The following GLIS3 variants were observed in gnomAD, a reference collection of about 807,000 sequenced individuals.
GLIS3 encodes GLIS family zinc finger 3, also known as zinc finger protein GLIS3.
In GLIS3, 53 loss-of-function variants were observed where a neutral mutation model predicts 78.6. The ratio of observed to expected loss-of-function variants is 0.67; its 90% CI spans 0.54 to 0.85. The LOEUF is 0.85. Among genes scored for constraint, GLIS3 ranks in the 40% least tolerant of loss-of-function variants. The pLI is 0.00. For missense variants in GLIS3, 1,703 were observed against 1,231.1 expected (o/e 1.38, Z -5.74); for synonymous variants, 684 against 509.9 (o/e 1.34, Z -4.60).
intron 4 of GLIS3, among the ~76,000 whole-genome samples, chr9:4,007,483 T>A (rs1434933587): frequency 6.6e-6 from 1 of 152,140 alleles, no homozygotes; most frequent in East Asian, 1.9e-4. Context: ...GGAAGAGATG[T>A]ATCAATCTTT....
intron 2 of GLIS3, among the ~76,000 whole-genome samples, chr9:4,318,737 T>G (rs1563931123): frequency 2.0e-5 from 3 of 152,200 alleles, no homozygotes; most frequent in East Asian, 3.8e-4. Flanking sequence ...ACTTGCAGCC[T>G]CTGCAGTAAT....
intron 4 of GLIS3, among the ~76,000 whole-genome samples, chr9:4,049,510 G>A (rs1012568230): frequency 1.3e-5 from 2 of 152,140 alleles, no homozygotes; most frequent in African/African-American, 4.8e-5. Context: ...GATGCCGGCA[G>A]GAGTGTCGTG....
intron 2 of GLIS3, among the ~76,000 whole-genome samples, chr9:4,329,029 AAG>A (rs1243752509): frequency 6.6e-6 from 1 of 152,214 alleles, no homozygotes; most frequent in Non-Finnish European, 1.5e-5. Context: ...GATGATGAGT[AAG>A]AGTCTCTCAA....
At chr9:4,421,916 C>G in the GLIS3 span, among the ~76,000 whole-genome samples, 4 of 152,276 alleles carry the variant, frequency 2.6e-5, no homozygotes, top group Admixed American at 2.6e-4. Flanking sequence ...AGTAGGAAAA[C>G]AATCAGATGT....
chr9:3,868,057 G>C (rs926460288), intron 8 of GLIS3, among the ~76,000 whole-genome samples: 2 of 152,168 alleles, frequency 1.3e-5, no homozygotes, highest in African/African-American at 4.8e-5. Flanking sequence ...GCTTATATTT[G>C]TCTTTTAACT....
Position 4,285,986 on chromosome 9 carries a change from G to C in GLIS3, c.388+52C>G, listed in dbSNP as rs10758591. The C allele has an allele frequency of 0.47, 757,845 of 1,606,050 alleles. 185,186 individuals are homozygous for C. Among genetic ancestry groups the C allele is most frequent in the East Asian group, 0.52 (23,385 of 44,826 alleles). ...GATTTGCTGGCAGAAAATGGGATGG[G>C]GGAGAAAAAAATCGTTTCCATTTTT... On this transcript the variant is annotated intron_variant, in intron 2 of 10. Transcript: ENST00000381971.
At chr9:4,264,632 G>A (rs183302847) in intron 2 of GLIS3, among the ~76,000 whole-genome samples, 2 of 152,084 alleles carry the variant, frequency 1.3e-5, no homozygotes, top group African/African-American at 4.8e-5. Flanking sequence ...GTCTGCAGAT[G>A]CCACACTCTT....
intron 3 of GLIS3, among the ~76,000 whole-genome samples, chr9:4,122,275 C>G (rs1269792156): frequency 6.6e-6 from 1 of 152,154 alleles, no homozygotes; most frequent in Non-Finnish European, 1.5e-5. Context: ...AAAATATATT[C>G]CCTATATATG....
At chr9:4,432,402 G>A in the GLIS3 span, among the ~76,000 whole-genome samples, 29 of 152,132 alleles carry the variant, frequency 1.9e-4, no homozygotes, top group African/African-American at 6.0e-4. Context: ...GCAAGAAAGC[G>A]TTGTAGGCTG....
rs77664055 is a variant in GLIS3, at chr9:4,000,912, T to G, written c.1711-63723A>C. Among the ~76,000 whole-genome samples, 1,046 of 152,332 alleles carry G rather than the reference T, an allele frequency of 6.9e-3. 12 individuals carry two copies. Among genetic ancestry groups the G allele is most frequent in the African/African-American group, 0.024 (1,012 of 41,568 alleles). The stretch of plus-strand genomic sequence containing the variant: ...GTGGAGTCTTCCCTGATTATTCTGA[T>G]GGTCACTCTCTCCTCTGTACTTTCA... On this transcript the variant is annotated intron_variant, in intron 4 of 10. Coordinates refer to ENST00000381971, the MANE Select transcript of GLIS3 (RefSeq NM_001042413.2).
chr9:3,970,683 CA>C lies in GLIS3; in HGVS notation c.1711-33495del, dbSNP rs373468105. ...AGCATGGAGTTGCAGGATTATTCAGCAGAGCAGAAACTGAGATTAAGTTGAT... is the reference window on the plus strand; with the variant it reads ...AGCATGGAGTTGCAGGATTATTCAGCGAGCAGAAACTGAGATTAAGTTGAT... On this transcript the variant is annotated intron_variant, in intron 4 of 10. Transcript: ENST00000381971. Among the ~76,000 whole-genome samples the C allele has an allele frequency of 4.4e-4, 67 of 152,268 alleles. 1 individual carries two copies. The South Asian group carries it at 0.014, about 31-fold the overall frequency.
chr9:4,091,311 G>C (rs545337327), intron 4 of GLIS3, among the ~76,000 whole-genome samples: 7 of 152,104 alleles, frequency 4.6e-5, no homozygotes, highest in African/African-American at 1.4e-4. Flanking sequence ...AGGCTGAAGT[G>C]GGTCATGATC....
At chr9:4,037,515 G>A (rs1276133710) in intron 4 of GLIS3, among the ~76,000 whole-genome samples, 1 of 151,320 alleles carries the variant, frequency 6.6e-6, no homozygotes, top group Non-Finnish European at 1.5e-5. Context: ...GTTCCATGCT[G>A]AGTGCTGCAG....
At chr9:4,433,693 C>A in the GLIS3 span, among the ~76,000 whole-genome samples, 1 of 152,332 alleles carries the variant, frequency 6.6e-6, no homozygotes, top group African/African-American at 2.4e-5. Flanking sequence ...GTGATGCAAA[C>A]CTGTTGGGCT....
intron 2 of GLIS3, among the ~76,000 whole-genome samples, chr9:4,310,769 G>A (rs1481120132): frequency 6.6e-6 from 1 of 152,176 alleles, no homozygotes; most frequent in Non-Finnish European, 1.5e-5. Flanking sequence ...GGAAGGTGAT[G>A]AGGACTTGAT....
At chr9:4,385,284 T>C in the GLIS3 span, among the ~76,000 whole-genome samples, 16 of 152,304 alleles carry the variant, frequency 1.1e-4, no homozygotes, top group East Asian at 2.7e-3. Context: ...AGATAGAAGT[T>C]GATACCTAAA....
At chr9:4,273,445 T>C (rs879335698) in intron 2 of GLIS3, among the ~76,000 whole-genome samples, 1 of 151,920 alleles carries the variant, frequency 6.6e-6, no homozygotes, top group East Asian at 1.9e-4. Flanking sequence ...AAAATAAAAT[T>C]AGCTGGGCAT....
chr9:4,306,334 CCTG>C (rs1437406645), intron 4 of GLIS3, among the ~76,000 whole-genome samples: 2 of 152,114 alleles, frequency 1.3e-5, no homozygotes, highest in African/African-American at 4.8e-5. Context: ...TCTTCAGGAC[CCTG>C]CTACCATTTG....
At chr9:4,189,912 C>T (rs1051021403) in intron 2 of GLIS3, among the ~76,000 whole-genome samples, 1 of 152,076 alleles carries the variant, frequency 6.6e-6, no homozygotes, top group African/African-American at 2.4e-5. Flanking sequence ...TGCTGATACC[C>T]AGGCAAACAG....
Sources: gnomAD v4.1 joint callset for allele counts (sites outside exome capture counted in the v4.1 genomes callset) on GRCh38, gnomAD v4.1.1 for gene constraint, MANE v1.5 for transcripts, NCBI Gene and HGNC (gene_info 2026-07-23, HGNC 2026-07-21) for gene names.